COL6A5: variants seen among roughly 807,000 people sequenced by gnomAD.
COL6A5 encodes the protein collagen alpha-5(VI) chain.
A neutral mutation model predicts 65.6 loss-of-function variants in COL6A5; 48 were observed. The ratio of observed to expected loss-of-function variants is 0.73; its 90% CI spans 0.58 to 0.93. The LOEUF (loss-of-function observed/expected upper bound fraction) is 0.93. Among genes scored for constraint, COL6A5 ranks in the 40% least tolerant of loss-of-function variants. COL6A5 has a pLI of 0.00. For missense variants in COL6A5, 914 were observed against 928.3 expected, an observed-to-expected ratio of 0.98 and a Z score of 0.20; for synonymous variants, 291 against 322.8, an observed-to-expected ratio of 0.90 and a Z score of 1.05.
chr3:130,373,544 C>G, intron 1 of COL6A5, 67 bp from the exon 2 acceptor site: 1 of 733,520 alleles, frequency 1.4e-6, no homozygotes, highest in Non-Finnish European at 2.4e-6. Context: ...CCTAATACAA[C>G]TATCCTGACA....
exon 8 of COL6A5, chr3:130,395,008 T>A: frequency 1.3e-6 from 2 of 1,551,576 alleles, no homozygotes; most frequent in Non-Finnish European, 1.7e-6. Context: ...ATTTTGACAT[T>A]CAGTCTCAAA....
intron 1 of COL6A5, among the ~76,000 whole-genome samples, chr3:130,435,041 T>G (rs750300410): frequency 6.6e-6 from 1 of 152,216 alleles, no homozygotes; most frequent in African/African-American, 2.4e-5. Context: ...TGGTATTGCA[T>G]AGGTTTTCTT....
chr3:130,442,048 C>T (rs905737135), intron 3 of COL6A5, among the ~76,000 whole-genome samples: 2 of 152,142 alleles, frequency 1.3e-5, no homozygotes, highest in Admixed American at 1.3e-4. Flanking sequence ...CACCTTTCTC[C>T]TGTGATTCAT....
At chr3:130,407,948 G>A (rs907969814) in intron 17 of COL6A5, among the ~76,000 whole-genome samples, 1 of 152,178 alleles carries the variant, frequency 6.6e-6, no homozygotes, top group African/African-American at 2.4e-5. Context: ...AATTTCCTAT[G>A]CCTGTCTTTA....
chr3:130,401,288 G>T (rs1432771253), intron 11 of COL6A5, 115 bp downstream of exon 11: 1 of 893,126 alleles, frequency 1.1e-6, no homozygotes, highest in Non-Finnish European at 1.7e-6. Flanking sequence ...TAAGTGCTTT[G>T]TCCTTAGTAT....
In COL6A5 at chr3:130,440,250, C is replaced by T; in HGVS notation, c.668C>T (p.Ser223Phe). Residue 223 changes from serine (S) to phenylalanine (F), a missense_variant, in exon 3 of 8, where the codon TCT becomes TTT. Coordinates refer to ENST00000512836, the Ensembl canonical transcript of COL6A5. ...GATGTAGTCTTCCTCATAGACAATT[C>T]TCGGAATATAGCAAAGGATGAGTTT... 6.2e-7 allele frequency: 1 copy of T among 1,613,314 alleles called. No homozygotes were observed. The highest frequency in any genetic ancestry group is 8.5e-7 in the Non-Finnish European group (1 of 1,179,636).
exon 10 of COL6A5, chr3:130,398,033 C>T (rs753540999): frequency 6.3e-5 from 98 of 1,550,244 alleles, no homozygotes; most frequent in Non-Finnish European, 8.0e-5. Context: ...TCTCCAGGTG[C>T]TGCTTATTTT....
chr3:130,424,454 G>T (rs1937568566), intron 29 of COL6A5, among the ~76,000 whole-genome samples: 2 of 152,056 alleles, frequency 1.3e-5, no homozygotes, highest in Admixed American at 1.3e-4. Context: ...TGCCTCCCAG[G>T]TTGTTGTAAT....
At chr3:130,395,887 G>T (rs1229985399) in intron 8 of COL6A5, among the ~76,000 whole-genome samples, 1 of 96,426 alleles carries the variant, frequency 1.0e-5, no homozygotes, top group African/African-American at 6.2e-5. Flanking sequence ...TAAGGGACTC[G>T]TGTGTGTGTG....
rs185522327 is a variant in COL6A5, at chr3:130,471,811, G to A, written c.2328+844G>A. The A allele has an allele frequency of 7.0e-4, 1,075 of 1,535,174 alleles. 10 individuals are homozygous for A. The South Asian group carries it at 7.2e-3, about 10-fold the overall frequency. On this transcript the variant is annotated intron_variant, in intron 7 of 7. Coordinates refer to ENST00000512836, the Ensembl canonical transcript of COL6A5. The stretch of plus-strand genomic sequence containing the variant: ...GTGGTTCTGAGACAGCTACTGATTT[G>A]ATGCAGAAGTTATATCTGCTCTTTT...
chr3:130,455,971 C>T (rs996629689), intron 5 of COL6A5, among the ~76,000 whole-genome samples: 9 of 151,984 alleles, frequency 5.9e-5, no homozygotes, highest in Non-Finnish European at 1.0e-4. Flanking sequence ...TAGTGAACAT[C>T]AGAACAAAGG....
chr3:130,392,056 T>C (rs543145531), intron 7 of COL6A5, among the ~76,000 whole-genome samples: 3 of 152,334 alleles, frequency 2.0e-5, no homozygotes, highest in African/African-American at 7.2e-5. Context: ...CATATTCACC[T>C]TACCCCAAGT....
chr3:130,378,361 A>T (rs1935862904), intron 3 of COL6A5, among the ~76,000 whole-genome samples: 1 of 152,138 alleles, frequency 6.6e-6, no homozygotes. Flanking sequence ...TTTGTTGTCA[A>T]TACTCACATG....
chr3:130,346,338 G>C (rs1934474498), intron 1 of COL6A5, among the ~76,000 whole-genome samples: 1 of 152,138 alleles, frequency 6.6e-6, no homozygotes, highest in Non-Finnish European at 1.5e-5. Flanking sequence ...ACGGGATTCT[G>C]ATGCAGCTAA....
chr3:130,401,248 A>C, intron 11 of COL6A5, 75 bp downstream of exon 11: 1 of 1,325,684 alleles, frequency 7.5e-7, no homozygotes, highest in Admixed American at 2.8e-5. Flanking sequence ...GAGAACTTTC[A>C]AAGACTGCCT....
At chr3:130,443,909 A>G (rs970030520) in intron 4 of COL6A5, among the ~76,000 whole-genome samples, 1 of 152,070 alleles carries the variant, frequency 6.6e-6, no homozygotes, top group African/African-American at 2.4e-5. Flanking sequence ...CTGAACTCTT[A>G]CCTGCCTTGT....
chr3:130,362,322 ATATATTTTTTTT>A (rs1331719292), intron 1 of COL6A5, among the ~76,000 whole-genome samples: 3 of 2,708 alleles, frequency 1.1e-3, no homozygotes, highest in South Asian at 0.016. Flanking sequence ...ATATATATAT[ATATATTTTTTTT>A]TTTTTTTTTT....
At chr3:130,389,826 A>G (rs1391061) in intron 6 of COL6A5, among the ~76,000 whole-genome samples, 43,739 of 151,936 alleles carry the variant, frequency 0.29, 7,264 homozygotes, top group East Asian at 0.61. Flanking sequence ...CTTTCTCTCA[A>G]TCCACACATA....
rs144819488 is a variant in COL6A5 at position 130,418,712 on chromosome 3, T to C, written c.4888-157T>C. Reference sequence around the variant, plus strand: ...TGTGCTAGACATCTTCTGCTAGCTATGAAAAAAACATAATTTGTGCCCTAC... The same window carrying C: ...TGTGCTAGACATCTTCTGCTAGCTACGAAAAAAACATAATTTGTGCCCTAC... On this transcript the variant is annotated intron_variant and NMD_transcript_variant, in intron 24 of 41. Coordinates refer to the COL6A5 transcript ENST00000312481. Among the ~76,000 whole-genome samples, 107 of 152,104 alleles carry C rather than the reference T, an allele frequency of 7.0e-4. 3 individuals carry two copies. In the East Asian group the frequency reaches 0.011, roughly 16 times the overall value.
Sources: gnomAD v4.1 joint callset for allele counts (sites outside exome capture counted in the v4.1 genomes callset) on GRCh38, gnomAD v4.1.1 for gene constraint, MANE v1.5 for transcripts, NCBI Gene and HGNC (gene_info 2026-07-23, HGNC 2026-07-21) for gene names.